Variants in SDK1 observed in about 807,000 individuals in gnomAD.
SDK1 encodes protein sidekick-1.
A neutral mutation model predicts 245.5 loss-of-function variants in SDK1; 157 were observed. That is an observed-to-expected ratio of 0.64 (90% confidence interval 0.56 to 0.73). SDK1 has a LOEUF of 0.73. Among genes scored for constraint, SDK1 ranks in the 30% least tolerant of loss-of-function variants. The pLI is 0.00. For missense variants in SDK1, 3,583 were observed against 3,002.3 expected (o/e 1.19, Z -4.52); for synonymous variants, 1,647 against 1,278.5 (o/e 1.29, Z -6.15).
chr7:3,945,758 G>A (rs921369806), intron 5 of SDK1, among the ~76,000 whole-genome samples: 7 of 151,636 alleles, frequency 4.6e-5, no homozygotes, highest in South Asian at 2.1e-4. Context: ...AATAAGCCAG[G>A]CGTGATGGCA....
At chr7:3,451,422 TG>T (rs1780510992) in intron 1 of SDK1, among the ~76,000 whole-genome samples, 2 of 152,054 alleles carry the variant, frequency 1.3e-5, no homozygotes, top group Non-Finnish European at 2.9e-5. Flanking sequence ...GGGTACATTC[TG>T]AGGAAATGGA....
At chr7:4,230,095 A>G (rs573645496) in intron 40 of SDK1, among the ~76,000 whole-genome samples, 1,319 of 113,160 alleles carry the variant, frequency 0.012, 23 homozygotes, top group African/African-American at 0.041. Context: ...GTGGGCAGGC[A>G]GATGGATGGG....
intron 1 of SDK1, among the ~76,000 whole-genome samples, chr7:3,534,842 T>C (rs1778828147): frequency 6.6e-6 from 1 of 152,198 alleles, no homozygotes; most frequent in African/African-American, 2.4e-5. Flanking sequence ...GTGCCAATCA[T>C]GTTCAAAATG....
At chr7:3,655,448 AATATATATATATATATATATATAT>A (rs1194322286) in intron 4 of SDK1, among the ~76,000 whole-genome samples, 11,497 of 66,350 alleles carry the variant, frequency 0.17, 1,200 homozygotes, top group South Asian at 0.29. Context: ...AAACAAAACA[AATATATATATATATATATATATAT>A]ATATATATAT....
chr7:3,894,698 CTTTT>C (rs942252289), intron 5 of SDK1, among the ~76,000 whole-genome samples: 7 of 135,450 alleles, frequency 5.2e-5, no homozygotes, highest in African/African-American at 1.7e-4. Context: ...ACTATTTTTT[CTTTT>C]TTTTTTTTTT....
intron 35 of SDK1, among the ~76,000 whole-genome samples, chr7:4,190,527 T>A (rs1783135267): frequency 6.6e-6 from 1 of 152,206 alleles, no homozygotes; most frequent in African/African-American, 2.4e-5. Context: ...GTTTCAGACG[T>A]TCCCTTCAGG....
At chr7:3,318,473 A>G (rs770088836) in intron 1 of SDK1, among the ~76,000 whole-genome samples, 1 of 152,248 alleles carries the variant, frequency 6.6e-6, no homozygotes, top group Non-Finnish European at 1.5e-5. Context: ...GTCTTGCTTA[A>G]TAAATCATAG....
intron 1 of SDK1, among the ~76,000 whole-genome samples, chr7:3,354,953 A>G (rs755551729): frequency 6.6e-6 from 1 of 152,202 alleles, no homozygotes; most frequent in Non-Finnish European, 1.5e-5. Context: ...TACATGTGAA[A>G]GTGGTTTACT....
chr7:3,470,604 T>C (rs985791610), intron 1 of SDK1, among the ~76,000 whole-genome samples: 3 of 152,252 alleles, frequency 2.0e-5, no homozygotes, highest in South Asian at 4.1e-4. Context: ...AGACTTATTA[T>C]GACTTTGGCA....
chr7:3,466,019 G>T (rs1027225239), intron 1 of SDK1, among the ~76,000 whole-genome samples: 8 of 152,058 alleles, frequency 5.3e-5, no homozygotes, highest in Non-Finnish European at 1.2e-4. Flanking sequence ...TTTGAATGGT[G>T]CTTCAGGAGG....
At chr7:3,732,055 G>A (rs1214696246) in intron 4 of SDK1, among the ~76,000 whole-genome samples, 1 of 152,240 alleles carries the variant, frequency 6.6e-6, no homozygotes, top group Non-Finnish European at 1.5e-5. Context: ...CTCCCAGAGT[G>A]CTGGGATTAC....
chr7:3,979,891 G>C (rs984664114), intron 13 of SDK1, among the ~76,000 whole-genome samples: 2 of 152,152 alleles, frequency 1.3e-5, no homozygotes, highest in African/African-American at 4.8e-5. Flanking sequence ...CTCTCCTCCT[G>C]AAATCAGAGT....
At chr7:4,031,495 A>T (rs953031158) in intron 17 of SDK1, among the ~76,000 whole-genome samples, 1 of 152,190 alleles carries the variant, frequency 6.6e-6, no homozygotes, top group East Asian at 1.9e-4. Context: ...GTGTATAAAC[A>T]TTAGAGCAAA....
At chr7:3,945,853 C>T (rs1299367444) in intron 5 of SDK1, among the ~76,000 whole-genome samples, 9 of 122,414 alleles carry the variant, frequency 7.4e-5, no homozygotes, top group South Asian at 2.8e-4. Context: ...GACCTGAGAT[C>T]GTGCCACTGC....
chr7:4,100,786 C>T (rs527494625), intron 22 of SDK1, among the ~76,000 whole-genome samples: 6 of 152,334 alleles, frequency 3.9e-5, no homozygotes, highest in African/African-American at 1.4e-4. Context: ...GCACCAGGCA[C>T]CCCTGGGCCT....
At chr7:4,164,658 G>T (rs1781384774) in intron 32 of SDK1, among the ~76,000 whole-genome samples, 1 of 152,184 alleles carries the variant, frequency 6.6e-6, no homozygotes, top group Non-Finnish European at 1.5e-5. Flanking sequence ...GAGCATCAGG[G>T]CTGGGATGCG....
In SDK1 at chr7:3,387,110, A is replaced by T. The variant is rs138576256; in HGVS notation, c.298+85226A>T. ...GCTGACACGCCTCTGAACCAGCCCCAAGTTGGTGTGCATGGTGCTAGGGCA... is the reference window on the plus strand; with the variant it reads ...GCTGACACGCCTCTGAACCAGCCCCTAGTTGGTGTGCATGGTGCTAGGGCA... On this transcript the variant is annotated intron_variant, in intron 1 of 44. Transcript: ENST00000404826. Among the ~76,000 whole-genome samples the T allele has an allele frequency of 7.2e-5, 11 of 152,220 alleles. No homozygotes were observed. In the East Asian group the frequency reaches 2.1e-3, roughly 29 times the overall value.
At chr7:3,470,601 T>C (rs953289554) in intron 1 of SDK1, among the ~76,000 whole-genome samples, 4 of 152,098 alleles carry the variant, frequency 2.6e-5, no homozygotes, top group African/African-American at 7.2e-5. Context: ...TGGAGACTTA[T>C]TATGACTTTG....
intron 1 of SDK1, among the ~76,000 whole-genome samples, chr7:3,449,176 G>T (rs1246589351): frequency 2.0e-5 from 3 of 152,186 alleles, no homozygotes; most frequent in South Asian, 4.1e-4. Context: ...AAGTAAAGCT[G>T]TGTGTCACGT....
Sources: gnomAD v4.1 joint callset for allele counts (sites outside exome capture counted in the v4.1 genomes callset) on GRCh38, gnomAD v4.1.1 for gene constraint, MANE v1.5 for transcripts, NCBI Gene and HGNC (gene_info 2026-07-23, HGNC 2026-07-21) for gene names.